STOX1: variants seen among roughly 807,000 people sequenced by gnomAD.
The protein encoded by STOX1 is storkhead-box protein 1.
In STOX1, 57 loss-of-function variants were observed where a neutral mutation model predicts 74.8. That is an observed-to-expected ratio of 0.76 (90% CI 0.62 to 0.95). The LOEUF is 0.95. Among genes scored for constraint, STOX1 ranks in the 40% least tolerant of loss-of-function variants. STOX1 has a pLI of 0.00. For synonymous variants in STOX1, 375 were observed against 401.3 expected (o/e 0.93, Z 0.78); for missense variants, 1,010 against 1,117.0 (o/e 0.90, Z 1.37).
At chr10:68,868,483 T>C (rs1840462140) in intron 1 of STOX1, among the ~76,000 whole-genome samples, 1 of 152,236 alleles carries the variant, frequency 6.6e-6, no homozygotes, top group East Asian at 1.9e-4. Context: ...GCCCTCATTC[T>C]GGTAAACCAG....
intron 1 of STOX1, among the ~76,000 whole-genome samples, chr10:68,863,988 G>A (rs998609330): frequency 1.3e-5 from 2 of 149,482 alleles, no homozygotes; most frequent in African/African-American, 2.5e-5. Context: ...GCAGTGGCGC[G>A]ATCTCGGCTC....
Position 68,885,099 on chromosome 10 carries a change from G to A in STOX1, c.1303G>A (p.Ala435Thr), listed in dbSNP as rs775932076. 1 of 1,613,252 alleles carries A rather than the reference G, an allele frequency of 6.2e-7. No individual in the cohort carries two copies. The highest frequency in any genetic ancestry group is 2.2e-5 in the East Asian group (1 of 44,878). Residue 435 changes from alanine (A) to threonine (T), a missense_variant, in exon 3 of 4, where the codon GCC becomes ACC. By Grantham distance (58) the Ala-to-Thr change is moderately conservative (BLOSUM62 0). Transcript: ENST00000298596. ...CCATTCTCGAAGGGATAGACACAAA[G>A]CCAGGAATCAGGGAAGTGAGTTTCA... Reference protein sequence around the residue: ...QGHSRRDRHKARNQGSEFQPG... With the variant: ...QGHSRRDRHKTRNQGSEFQPG...
At chr10:68,852,248 G>GATTTTTTTTTTTTTTTTT (rs200461358) in intron 1 of STOX1, among the ~76,000 whole-genome samples, 2 of 132,210 alleles carry the variant, frequency 1.5e-5, no homozygotes, top group Non-Finnish European at 3.2e-5. Context: ...TTCTCTTACT[G>GATTTTTTTTTTTTTTTTT]CTTTTTTTTT....
chr10:68,865,167 AAT>A (rs1336311666), intron 1 of STOX1, among the ~76,000 whole-genome samples: 3 of 152,224 alleles, frequency 2.0e-5, no homozygotes, highest in Non-Finnish European at 4.4e-5. Context: ...GAGTAGGTTC[AAT>A]TGCTTGCCCT....
chr10:68,839,176 A>AC (rs1167192095), intron 1 of STOX1, among the ~76,000 whole-genome samples: 2 of 152,180 alleles, frequency 1.3e-5, no homozygotes, highest in Non-Finnish European at 2.9e-5. Flanking sequence ...AATAGGAAAA[A>AC]CAATTCTAAA....
At chr10:68,837,104 C>A (rs1839576035) in intron 1 of STOX1, among the ~76,000 whole-genome samples, 1 of 152,258 alleles carries the variant, frequency 6.6e-6, no homozygotes, top group Admixed American at 6.5e-5. Flanking sequence ...AAGGCTCATG[C>A]CCTGTCCTCA....
At chr10:68,848,663 T>A (rs980909375) in intron 1 of STOX1, among the ~76,000 whole-genome samples, 1 of 152,046 alleles carries the variant, frequency 6.6e-6, no homozygotes, top group Non-Finnish European at 1.5e-5. Context: ...GTGAGCAGTT[T>A]GTTTGTTTTG....
chr10:68,866,199 C>G (rs1840400497), intron 1 of STOX1, among the ~76,000 whole-genome samples: 1 of 151,914 alleles, frequency 6.6e-6, no homozygotes. Context: ...TTGAATAGTC[C>G]CAGGTTGTCC....
chr10:68,842,143 G>T (rs1485544554), intron 1 of STOX1, among the ~76,000 whole-genome samples: 2 of 152,168 alleles, frequency 1.3e-5, no homozygotes, highest in Non-Finnish European at 2.9e-5. Context: ...CTCCAAAGTT[G>T]TGGCATTGGG....
chr10:68,833,892 A>G (rs768133233), intron 1 of STOX1, among the ~76,000 whole-genome samples: 8 of 152,110 alleles, frequency 5.3e-5, no homozygotes, highest in Non-Finnish European at 1.0e-4. Context: ...TTTCATTCAG[A>G]TTTGCCTCTG....
intron 3 of STOX1, among the ~76,000 whole-genome samples, chr10:68,888,307 G>A (rs146575271): frequency 0.038 from 5,771 of 152,056 alleles, 344 homozygotes; most frequent in African/African-American, 0.13. Context: ...CCACCATGTT[G>A]GCCAGACTGG....
chr10:68,846,116 G>GTTTTTTTT (rs869245499), intron 1 of STOX1, among the ~76,000 whole-genome samples: 1 of 93,802 alleles, frequency 1.1e-5, no homozygotes. Context: ...ATGGCTTGAG[G>GTTTTTTTT]TTTTTATTAT....
Position 68,885,042 on chromosome 10 carries a change from C to T in STOX1, c.1246C>T (p.Gln416Ter), listed in dbSNP as rs1213015820. Residue 416 changes from glutamine to a stop codon, truncating the protein, a stop_gained, in exon 3 of 4, where the codon CAG becomes TAG. Transcript: ENST00000298596. LOFTEE classifies it high-confidence loss of function. The part of the protein sequence containing the change: ...YPSKEGVKKR[Q>*]GLSAKPQGQG... Reference sequence around the variant, plus strand: ...TTCAAAAGAGGGGGTTAAGAAAAGGCAGGGTCTGTCTGCAAAACCTCAAGG... The same window carrying T: ...TTCAAAAGAGGGGGTTAAGAAAAGGTAGGGTCTGTCTGCAAAACCTCAAGG... The T allele has an allele frequency of 3.1e-6, 5 of 1,614,084 alleles. No individual in the cohort carries two copies. The highest frequency in any genetic ancestry group is 2.5e-6 in the Non-Finnish European group (3 of 1,180,020).
chr10:68,855,367 C>T (rs572349097), intron 1 of STOX1, among the ~76,000 whole-genome samples: 3 of 151,998 alleles, frequency 2.0e-5, no homozygotes, highest in East Asian at 1.9e-4. Context: ...GTGATCCTCC[C>T]GCCTTGGCCT....
chr10:68,868,754 G>C (rs2133576132), intron 1 of STOX1, among the ~76,000 whole-genome samples: 1 of 152,336 alleles, frequency 6.6e-6, no homozygotes, highest in Non-Finnish European at 1.5e-5. Context: ...GGAGAAACTT[G>C]AAGTACTAGT....
At chr10:68,857,195 C>T (rs1186579078) in intron 1 of STOX1, among the ~76,000 whole-genome samples, 1 of 152,076 alleles carries the variant, frequency 6.6e-6, no homozygotes, top group Non-Finnish European at 1.5e-5. Context: ...CTCCCTACCC[C>T]AGGGCTTACC....
Position 68,885,262 on chromosome 10 carries a change from A to G in STOX1, c.1466A>G (p.Tyr489Cys), listed in dbSNP as rs1419023856. The G allele has an allele frequency of 1.9e-6, 3 of 1,614,266 alleles. No homozygotes were observed. The highest frequency in any genetic ancestry group is 2.5e-6 in the Non-Finnish European group (3 of 1,180,042). ...ACAGTGCTAGGTTCCCATTTGATTT[A>G]CAAAAAGCGAATCAGTAATCCTTTC... ...ITTVLGSHLIYKKRISNPFQG... is the reference protein window; with the variant it reads ...ITTVLGSHLICKKRISNPFQG... The change falls in exon 3 of 4, where the codon TAC becomes TGC. Residue 489 changes from tyrosine to cysteine, a missense_variant. By Grantham distance (194) the Tyr-to-Cys change is radical. Transcript: ENST00000298596.
chr10:68,875,233 G>A (rs1393903543), intron 1 of STOX1, among the ~76,000 whole-genome samples: 1 of 152,164 alleles, frequency 6.6e-6, no homozygotes, highest in Non-Finnish European at 1.5e-5. Flanking sequence ...CACTTCACTG[G>A]GTAGGCCCAT....
intron 1 of STOX1, among the ~76,000 whole-genome samples, chr10:68,872,460 T>C (rs7089913): frequency 0.94 from 142,594 of 151,564 alleles, 67,144 homozygotes; most frequent in East Asian, 0.99. Context: ...ATTCTCCTGC[T>C]TCAGCCTCCA....
Sources: allele counts gnomAD v4.1 joint callset (sites outside exome capture counted in the v4.1 genomes callset), GRCh38; gene constraint gnomAD v4.1.1; transcripts MANE v1.5; gene names NCBI Gene and HGNC (gene_info 2026-07-23, HGNC 2026-07-21).